The following CTNNA3 variants were observed in gnomAD, a reference collection of about 807,000 sequenced individuals.
CTNNA3 encodes the protein catenin alpha-3.
Under a neutral mutation model 95.7 loss-of-function variants are expected in CTNNA3, and 76 were observed. That is an observed-to-expected ratio of 0.79 (90% CI 0.66 to 0.96). The LOEUF (loss-of-function observed/expected upper bound fraction) is 0.96. Ranked by LOEUF, CTNNA3 falls within the 40% of genes least tolerant of loss-of-function variation. The pLI is 0.00. For missense variants in CTNNA3, 1,191 were observed against 1,089.8 expected, an observed-to-expected ratio of 1.09 and a Z score of -1.31; for synonymous variants, 431 against 374.4, an observed-to-expected ratio of 1.15 and a Z score of -1.74.
At chr10:67,078,932 G>T (rs1464427629) in intron 7 of CTNNA3, among the ~76,000 whole-genome samples, 2 of 152,208 alleles carry the variant, frequency 1.3e-5, no homozygotes, top group Non-Finnish European at 2.9e-5. Context: ...CAATGCAGTA[G>T]ACCACTTCAT....
At chr10:67,732,615 C>A (rs1488530461) in intron 1 of CTNNA3, among the ~76,000 whole-genome samples, 9 of 152,152 alleles carry the variant, frequency 5.9e-5, no homozygotes, top group Admixed American at 5.9e-4. Flanking sequence ...AATCTCACTA[C>A]ATATTTAGTT....
chr10:66,303,761 T>C (rs2091896566), intron 12 of CTNNA3, among the ~76,000 whole-genome samples: 1 of 151,968 alleles, frequency 6.6e-6, no homozygotes. Context: ...GCCTGGCTAA[T>C]TTTTTGTATT....
chr10:66,915,421 T>C (rs1315120806), intron 7 of CTNNA3, among the ~76,000 whole-genome samples: 8 of 152,120 alleles, frequency 5.3e-5, no homozygotes, highest in South Asian at 2.1e-4. Context: ...CAGCAATCTA[T>C]CAATCAGTAA....
chr10:66,950,183 TTACA>T (rs1589475395), intron 7 of CTNNA3, among the ~76,000 whole-genome samples: 1 of 152,184 alleles, frequency 6.6e-6, no homozygotes, highest in Non-Finnish European at 1.5e-5. Flanking sequence ...AATTTAACTC[TTACA>T]TAAACTATTT....
chr10:67,719,929 A>C (rs1447293387), intron 1 of CTNNA3, among the ~76,000 whole-genome samples: 1 of 151,584 alleles, frequency 6.6e-6, no homozygotes, highest in Non-Finnish European at 1.5e-5. Context: ...TATTGTGTGG[A>C]AATCTAAGTC....
intron 1 of CTNNA3, among the ~76,000 whole-genome samples, chr10:67,755,384 T>C (rs1462494285): frequency 6.6e-6 from 1 of 151,770 alleles, no homozygotes. Context: ...GAAGCCATTA[T>C]ACGCGATTGG....
intron 5 of CTNNA3, among the ~76,000 whole-genome samples, chr10:67,493,134 TA>T (rs967499488): frequency 2.0e-5 from 3 of 152,076 alleles, no homozygotes; most frequent in African/African-American, 7.2e-5. Flanking sequence ...TTTGTTTTTT[TA>T]AAAGGCGGGG....
intron 9 of CTNNA3, among the ~76,000 whole-genome samples, chr10:66,739,559 C>T (rs1315524124): frequency 6.6e-6 from 1 of 152,078 alleles, no homozygotes; most frequent in East Asian, 1.9e-4. Context: ...TATTTATTTA[C>T]ATTATTTATG....
intron 11 of CTNNA3, among the ~76,000 whole-genome samples, chr10:66,488,658 G>T (rs1288602838): frequency 6.6e-6 from 1 of 152,038 alleles, no homozygotes; most frequent in African/African-American, 2.4e-5. Flanking sequence ...TTAAGTTGAA[G>T]TTTTTCAAAT....
chr10:66,826,064 T>A (rs928505359), intron 7 of CTNNA3, among the ~76,000 whole-genome samples: 2 of 152,168 alleles, frequency 1.3e-5, no homozygotes, highest in African/African-American at 4.8e-5. Context: ...GGAACTTTCA[T>A]TTGCTCCTTC....
chr10:66,490,364 A>C (rs1839880425), intron 11 of CTNNA3, among the ~76,000 whole-genome samples: 1 of 152,200 alleles, frequency 6.6e-6, no homozygotes, highest in African/African-American at 2.4e-5. Context: ...CAATCTTTAA[A>C]AATAAATATG....
chr10:66,564,150 T>G (rs1406069294), intron 10 of CTNNA3, among the ~76,000 whole-genome samples: 1 of 152,162 alleles, frequency 6.6e-6, no homozygotes, highest in Non-Finnish European at 1.5e-5. Flanking sequence ...TTTATAGGAA[T>G]AATCGATACA....
intron 7 of CTNNA3, among the ~76,000 whole-genome samples, chr10:67,106,438 T>C (rs1460174369): frequency 6.6e-6 from 1 of 152,224 alleles, no homozygotes; most frequent in Non-Finnish European, 1.5e-5. Flanking sequence ...AGAATGTCTA[T>C]TTAGTTTCAG....
intron 7 of CTNNA3, among the ~76,000 whole-genome samples, chr10:66,839,033 T>C (rs1046367155): frequency 1.3e-5 from 2 of 150,306 alleles, no homozygotes; most frequent in Non-Finnish European, 3.0e-5. Flanking sequence ...TTCATACTTA[T>C]AAAAAAAAAA....
At chr10:66,825,624 TAAAAAC>T (rs1303206413) in intron 7 of CTNNA3, among the ~76,000 whole-genome samples, 1 of 152,196 alleles carries the variant, frequency 6.6e-6, no homozygotes, top group Non-Finnish European at 1.5e-5. Context: ...TTTCCGTAGT[TAAAAAC>T]AAAAGTCTTC....
chr10:67,071,854 C>T (rs1437418814), intron 7 of CTNNA3, among the ~76,000 whole-genome samples: 6 of 152,158 alleles, frequency 3.9e-5, no homozygotes, highest in Non-Finnish European at 7.3e-5. Flanking sequence ...TTGTATTATA[C>T]TGTGCCCAAT....
At chr10:66,186,637 A>G (rs1371157558) in intron 13 of CTNNA3, among the ~76,000 whole-genome samples, 1 of 152,188 alleles carries the variant, frequency 6.6e-6, no homozygotes, top group African/African-American at 2.4e-5. Context: ...ATCTGAACTC[A>G]GGTTATTGTC....
intron 1 of CTNNA3, among the ~76,000 whole-genome samples, chr10:67,676,489 C>A (rs994664207): frequency 6.6e-6 from 1 of 152,130 alleles, no homozygotes; most frequent in Non-Finnish European, 1.5e-5. Context: ...CAAGCTAAAA[C>A]CACTTCCCAA....
At chr10:67,590,382 A>ACAC (rs570889620) in intron 3 of CTNNA3, among the ~76,000 whole-genome samples, 181 of 152,226 alleles carry the variant, frequency 1.2e-3, no homozygotes, top group African/African-American at 4.2e-3. Flanking sequence ...GCATTTCTAT[A>ACAC]CACCACCACC....
Sources: allele counts gnomAD v4.1 joint callset (sites outside exome capture counted in the v4.1 genomes callset), GRCh38; gene constraint gnomAD v4.1.1; transcripts MANE v1.5; gene names NCBI Gene and HGNC (gene_info 2026-07-23, HGNC 2026-07-21).